Variants in HACE1 observed in about 807,000 individuals in gnomAD.
HACE1 encodes E3 ubiquitin-protein ligase HACE1.
A neutral mutation model predicts 118.4 loss-of-function variants in HACE1; 73 were observed. That is an observed-to-expected ratio of 0.62 (90% CI 0.51 to 0.75). HACE1 has a LOEUF of 0.75. Among genes scored for constraint, HACE1 ranks in the 30% least tolerant of loss-of-function variants. The probability of loss-of-function intolerance (pLI) is 0.00; values close to 1 mark genes in which losing one functional copy is unlikely to be tolerated. For missense variants in HACE1, 749 were observed against 1,102.2 expected (o/e 0.68, Z 4.54); for synonymous variants, 368 against 374.8 (o/e 0.98, Z 0.21).
chr6:104,841,346 T>C (rs1352426617), intron 5 of HACE1, among the ~76,000 whole-genome samples: 1 of 152,200 alleles, frequency 6.6e-6, no homozygotes, highest in Non-Finnish European at 1.5e-5. Flanking sequence ...AAACATCTTA[T>C]GCAATTAAAA....
At chr6:104,836,946 T>A (rs1001660729) in intron 5 of HACE1, among the ~76,000 whole-genome samples, 1 of 152,162 alleles carries the variant, frequency 6.6e-6, no homozygotes, top group Non-Finnish European at 1.5e-5. Context: ...TACCAAAACA[T>A]GCACAAAATC....
chr6:104,795,628 G>C lies in HACE1; in HGVS notation c.874C>G (p.Leu292Val). 6.2e-7 allele frequency: 1 copy of C among 1,613,276 alleles called. No individual in the cohort carries two copies. Among genetic ancestry groups the C allele is most frequent in the South Asian group, 1.1e-5 (1 of 91,060 alleles). ...QQSESQYLKI[L>V]TSLAEVATTN... Reference sequence around the variant, plus strand: ...GTAGCAACTTCAGCAAGGCTTGTTAGAATCTTTAGGTACTGGCTTTCACTT... The same window carrying C: ...GTAGCAACTTCAGCAAGGCTTGTTACAATCTTTAGGTACTGGCTTTCACTT... The change falls in exon 10 of 24, where the codon CTA becomes GTA. Residue 292 changes from leucine (L) to valine (V), a missense_variant. Physicochemically the swap from Leu to Val is conservative, Grantham distance 32. Around this residue, in one of 5 missense-constraint regions of HACE1, gnomAD observed 267 missense variants for 312.2 expected, o/e 0.86. Transcript: ENST00000262903.
intron 10 of HACE1, among the ~76,000 whole-genome samples, chr6:104,792,863 C>G (rs1007096461): frequency 6.6e-6 from 1 of 152,192 alleles, no homozygotes; most frequent in African/African-American, 2.4e-5. Flanking sequence ...TTTGCTCCTC[C>G]TCCCTGCTCT....
At chr6:104,798,864 AATG>A (rs1164530376) in intron 7 of HACE1, among the ~76,000 whole-genome samples, 1 of 152,222 alleles carries the variant, frequency 6.6e-6, no homozygotes, top group Admixed American at 6.5e-5. Context: ...GTTCAATTTT[AATG>A]ATATCTCTTT....
intron 14 of HACE1, among the ~76,000 whole-genome samples, chr6:104,779,407 ACTT>A (rs1457466209): frequency 6.6e-6 from 1 of 152,192 alleles, no homozygotes; most frequent in Non-Finnish European, 1.5e-5. Flanking sequence ...TGAGAGATGA[ACTT>A]CTGCCTTTTA....
At chr6:104,753,649 C>T (rs1778303413) in intron 19 of HACE1, among the ~76,000 whole-genome samples, 1 of 152,066 alleles carries the variant, frequency 6.6e-6, no homozygotes, top group Non-Finnish European at 1.5e-5. Context: ...ACCACAGCAG[C>T]CCTATATACA....
intron 7 of HACE1, among the ~76,000 whole-genome samples, chr6:104,804,784 A>G (rs6571209): frequency 0.56 from 85,660 of 152,042 alleles, 25,732 homozygotes; most frequent in African/African-American, 0.79. Flanking sequence ...GTACCATTCA[A>G]GACATAGGCA....
intron 20 of HACE1, among the ~76,000 whole-genome samples, chr6:104,749,024 T>G (rs373992020): frequency 6.6e-6 from 1 of 152,196 alleles, no homozygotes; most frequent in Non-Finnish European, 1.5e-5. Context: ...TGTCCTTTTC[T>G]GCATGTATAT....
chr6:104,756,953 G>C (rs1264002889), intron 19 of HACE1, among the ~76,000 whole-genome samples: 1 of 152,210 alleles, frequency 6.6e-6, no homozygotes, highest in African/African-American at 2.4e-5. Flanking sequence ...CAGCACAGGA[G>C]TCTGAGATTG....
At chr6:104,807,577 T>G (rs1195472685) in intron 7 of HACE1, among the ~76,000 whole-genome samples, 1 of 152,114 alleles carries the variant, frequency 6.6e-6, no homozygotes, top group African/African-American at 2.4e-5. Flanking sequence ...CAACCTTTAT[T>G]TGAAGAACTC....
At chr6:104,794,264 T>C (rs930323257) in intron 10 of HACE1, among the ~76,000 whole-genome samples, 49 of 152,170 alleles carry the variant, frequency 3.2e-4, no homozygotes, top group Admixed American at 1.3e-3. Flanking sequence ...AAAACATAGA[T>C]ACATCAAAAC....
intron 14 of HACE1, among the ~76,000 whole-genome samples, chr6:104,778,800 C>A (rs371196435): frequency 6.6e-6 from 1 of 151,536 alleles, no homozygotes; most frequent in African/African-American, 2.4e-5. Flanking sequence ...CAAACTGAGA[C>A]CTTATCTCTA....
chr6:104,855,888 T>C (rs1776670552), intron 1 of HACE1, among the ~76,000 whole-genome samples: 4 of 152,230 alleles, frequency 2.6e-5, no homozygotes. Context: ...ATAATAAGGT[T>C]CACAATGGTT....
intron 19 of HACE1, among the ~76,000 whole-genome samples, chr6:104,761,451 G>T (rs1174959360): frequency 6.6e-6 from 1 of 152,200 alleles, no homozygotes; most frequent in Non-Finnish European, 1.5e-5. Flanking sequence ...ATAGGGAAAA[G>T]ATTCCTTTTT....
intron 3 of HACE1, among the ~76,000 whole-genome samples, chr6:104,849,973 A>G (rs554135470): frequency 7.4e-6 from 1 of 135,676 alleles, no homozygotes; most frequent in East Asian, 2.2e-4. Context: ...TTTTTGAGAC[A>G]GAGTCTTGCT....
chr6:104,770,076 T>TA (rs1780450271), intron 19 of HACE1, among the ~76,000 whole-genome samples: 1 of 152,224 alleles, frequency 6.6e-6, no homozygotes, highest in Non-Finnish European at 1.5e-5. Context: ...GAAGAATTGT[T>TA]AAACATAACC....
intron 4 of HACE1, among the ~76,000 whole-genome samples, chr6:104,847,593 T>C (rs536428255): frequency 8.1e-4 from 124 of 152,332 alleles, no homozygotes; most frequent in Non-Finnish European, 1.5e-3. Flanking sequence ...GGCAACACTA[T>C]TGCTGTCTTT....
chr6:104,793,947 G>A (rs773250917), intron 10 of HACE1, among the ~76,000 whole-genome samples: 8 of 152,178 alleles, frequency 5.3e-5, no homozygotes, highest in Non-Finnish European at 1.0e-4. Flanking sequence ...CAGTTTAGCA[G>A]AGTAATTTTT....
rs1782147773 is a variant in HACE1, at chr6:104,784,633, C to G, written c.1410-148G>C. The G allele has an allele frequency of 1.3e-5, 8 of 627,442 alleles. No homozygotes were observed. In the East Asian group the frequency reaches 2.2e-4, roughly 17 times the overall value. The allele number at this position is 627,442 out of a possible 1,614,324, so 38.9% of individuals were successfully genotyped here. A position where few individuals can be genotyped will look rare whatever the true frequency, so the allele number is the denominator to read the frequency against. ...GAATCTTCTTTGTAAGTTTAGGAAACTGAAGTATGCCTAGCCAATTTGTAA... is the reference window on the plus strand; with the variant it reads ...GAATCTTCTTTGTAAGTTTAGGAAAGTGAAGTATGCCTAGCCAATTTGTAA... On this transcript the variant is annotated intron_variant, in intron 12 of 23. Coordinates refer to ENST00000262903, the MANE Select transcript of HACE1 (RefSeq NM_020771.4).
Sources: gnomAD v4.1 joint callset for allele counts (sites outside exome capture counted in the v4.1 genomes callset) on GRCh38, gnomAD v4.1.1 for gene constraint, gnomAD v4.1.1 regional missense constraint, MANE v1.5 for transcripts, NCBI Gene and HGNC (gene_info 2026-07-23, HGNC 2026-07-21) for gene names.